The following PUDP variants were observed in gnomAD, a reference collection of about 807,000 sequenced individuals.
PUDP encodes the protein pseudouridine 5'-phosphatase.
A neutral mutation model predicts 9.4 loss-of-function variants in PUDP; 8 were observed. That is an observed-to-expected ratio of 0.85 (90% CI 0.50 to 1.53). The LOEUF (loss-of-function observed/expected upper bound fraction) is 1.53, where lower values mean the gene tolerates loss of function less well. Ranked by LOEUF, PUDP falls within the 40% of genes most tolerant of loss-of-function variation. The pLI is 0.00. For synonymous variants in PUDP, 99 were observed against 80.7 expected (o/e 1.23, Z -1.22); for missense variants, 188 against 189.7 (o/e 0.99, Z 0.05).
At chrX:6,939,939 T>C (rs899659167) in intron 3 of PUDP, among the ~76,000 whole-genome samples, 1 of 112,426 alleles carries the variant, frequency 8.9e-6, no homozygotes, top group Non-Finnish European at 1.9e-5. Context: ...CCCATAAATA[T>C]CTTTTCAAAA....
At chrX:6,713,101 T>C (rs770314696) in intron 1 of PUDP, among the ~76,000 whole-genome samples, 3 of 111,793 alleles carry the variant, frequency 2.7e-5, no homozygotes, top group Non-Finnish European at 5.6e-5. Context: ...CAGAAAACAA[T>C]TCCTGGCTCC....
intron 3 of PUDP, among the ~76,000 whole-genome samples, chrX:6,776,419 T>C (rs755085932): frequency 1.8e-5 from 2 of 110,504 alleles, no homozygotes; most frequent in South Asian, 3.9e-4. Context: ...TAGTCCCAGC[T>C]ACTTGGGAGG....
intron 3 of PUDP, among the ~76,000 whole-genome samples, chrX:6,800,288 T>G (rs1925911103): frequency 8.9e-6 from 1 of 111,966 alleles, no homozygotes; most frequent in African/African-American, 3.2e-5. Context: ...AATATTCTTA[T>G]CTCCCTCATG....
intron 1 of PUDP, among the ~76,000 whole-genome samples, chrX:6,984,349 C>A (rs1365186461): frequency 8.9e-6 from 1 of 111,761 alleles, no homozygotes; most frequent in Non-Finnish European, 1.9e-5. Context: ...TTTGCCCAAA[C>A]CTGTGAATAT....
At chrX:6,723,075 T>C (rs1183084719), upstream of PUDP, among the ~76,000 whole-genome samples, 1 of 110,416 alleles carries the variant, frequency 9.1e-6, no homozygotes, top group African/African-American at 3.3e-5. Context: ...AGCTCATAAA[T>C]AACCAACAAT....
At chrX:7,059,821 T>C (rs1459116250) in intron 3 of PUDP, among the ~76,000 whole-genome samples, 1 of 112,210 alleles carries the variant, frequency 8.9e-6, no homozygotes, top group African/African-American at 3.2e-5. Flanking sequence ...CCAAACAGGA[T>C]TATCACAGCA....
chrX:6,710,690 C>T (rs1217791063), intron 1 of PUDP, among the ~76,000 whole-genome samples: 7 of 112,227 alleles, frequency 6.2e-5, no homozygotes, highest in African/African-American at 1.9e-4. Flanking sequence ...GAGCTGCTGA[C>T]GCTGGATTTC....
chrX:6,827,254 C>T (rs1272892754), intron 3 of PUDP, among the ~76,000 whole-genome samples: 6 of 111,315 alleles, frequency 5.4e-5, no homozygotes, highest in African/African-American at 2.0e-4. Flanking sequence ...TGTCCAGGTT[C>T]TTGGTGTCTT....
chrX:7,025,549 A>G (rs1317709689), intron 1 of PUDP, among the ~76,000 whole-genome samples: 1 of 111,803 alleles, frequency 8.9e-6, no homozygotes, highest in Admixed American at 9.5e-5. Context: ...ACATCACTGC[A>G]TATATCTGTG....
At chrX:6,959,016 C>T (rs990962083) in intron 3 of PUDP, among the ~76,000 whole-genome samples, 6 of 111,741 alleles carry the variant, frequency 5.4e-5, no homozygotes, top group African/African-American at 1.6e-4. Flanking sequence ...TAAATGCAGA[C>T]TTTATAATTA....
At chrX:6,932,192 G>C (rs1412091743) in intron 3 of PUDP, among the ~76,000 whole-genome samples, 3 of 111,192 alleles carry the variant, frequency 2.7e-5, no homozygotes, top group Non-Finnish European at 5.7e-5. Flanking sequence ...AAAAAGCCGA[G>C]CGTTCCTGGC....
At chrX:6,706,759 T>C (rs776742505) in intron 1 of PUDP, among the ~76,000 whole-genome samples, 8 of 111,738 alleles carry the variant, frequency 7.2e-5, no homozygotes, top group African/African-American at 2.6e-4. Context: ...AAATTTTGCC[T>C]TGCTTCCCTT....
At chrX:7,114,574 G>C (rs377225661) in intron 1 of PUDP, among the ~76,000 whole-genome samples, 9 of 111,606 alleles carry the variant, frequency 8.1e-5, no homozygotes, top group Admixed American at 6.6e-4. Flanking sequence ...GAGTTTCAGA[G>C]AGAACAAACG....
intron 3 of PUDP, among the ~76,000 whole-genome samples, chrX:7,072,763 G>A (rs1205094779): frequency 9.9e-6 from 1 of 101,514 alleles, no homozygotes; most frequent in Non-Finnish European, 2.0e-5. Context: ...GCAGTGAGCC[G>A]AGATCGTGCC....
chrX:6,732,487 A>G (rs894769597), intron 3 of PUDP, among the ~76,000 whole-genome samples: 2 of 109,505 alleles, frequency 1.8e-5, no homozygotes, highest in African/African-American at 6.6e-5. Context: ...AAACTCATTA[A>G]TTTATATTTT....
rs146240561 is a variant in PUDP, at chrX:6,776,105, C to T, written c.*248-69639G>A. Among the ~76,000 whole-genome samples, 14 of 111,724 alleles carry T rather than the reference C, an allele frequency of 1.3e-4. No homozygotes were observed. The East Asian group carries it at 3.1e-3, about 25-fold the overall frequency. ...CTTTTTAAAGGTTCCCCATTGAGTGCGATCACCAGCAAGTGTGGACAGCAC... is the reference window on the plus strand; with the variant it reads ...CTTTTTAAAGGTTCCCCATTGAGTGTGATCACCAGCAAGTGTGGACAGCAC... On this transcript the variant is annotated intron_variant and NMD_transcript_variant, in intron 3 of 3. Transcript: ENST00000655425.
intron 3 of PUDP, among the ~76,000 whole-genome samples, chrX:6,819,930 AATAAC>A (rs1926311382): frequency 9.0e-6 from 1 of 111,100 alleles, no homozygotes; most frequent in African/African-American, 3.3e-5. Context: ...ATGTACAGAT[AATAAC>A]ATAACAGATA....
At chrX:6,793,973 A>G (rs1925796746) in intron 3 of PUDP, among the ~76,000 whole-genome samples, 1 of 111,161 alleles carries the variant, frequency 9.0e-6, no homozygotes, top group African/African-American at 3.3e-5. Flanking sequence ...CCTTACTCCC[A>G]TCTCTCTCCC....
chrX:6,828,224 A>G (rs888413065), intron 3 of PUDP, among the ~76,000 whole-genome samples: 4 of 111,577 alleles, frequency 3.6e-5, no homozygotes, highest in African/African-American at 1.3e-4. Flanking sequence ...TATATACTGG[A>G]ACAAAGATGT....
Sources: gnomAD v4.1 joint callset for allele counts (sites outside exome capture counted in the v4.1 genomes callset) on GRCh38, gnomAD v4.1.1 for gene constraint, MANE v1.5 for transcripts, NCBI Gene and HGNC (gene_info 2026-07-23, HGNC 2026-07-21) for gene names.